The following MAPK10 variants were observed in gnomAD, a reference collection of about 807,000 sequenced individuals.
MAPK10 encodes mitogen-activated protein kinase 10.
Under a neutral mutation model 59.3 loss-of-function variants are expected in MAPK10, and 25 were observed. That is an observed-to-expected ratio of 0.42 (90% CI 0.31 to 0.59). The LOEUF (loss-of-function observed/expected upper bound fraction) is 0.59. MAPK10 is among the 20% of genes least tolerant of loss of function. The probability of loss-of-function intolerance (pLI) is 0.15; values close to 1 mark genes in which losing one functional copy is unlikely to be tolerated. For missense variants in MAPK10, 351 were observed against 568.9 expected (o/e 0.62, Z 3.90); for synonymous variants, 190 against 200.5 (o/e 0.95, Z 0.44).
chr4:86,494,443 A>G (rs1252806310), intron 1 of MAPK10, among the ~76,000 whole-genome samples: 2 of 152,204 alleles, frequency 1.3e-5, no homozygotes, highest in African/African-American at 4.8e-5. Context: ...AGAAGGGAAA[A>G]GAGCTGGAGG....
chr4:86,171,473 G>T (rs940663702), intron 3 of MAPK10, among the ~76,000 whole-genome samples: 20 of 152,026 alleles, frequency 1.3e-4, no homozygotes, highest in Admixed American at 3.9e-4. Flanking sequence ...ACAAGCAATG[G>T]GGAAAGGATT....
intron 2 of MAPK10, among the ~76,000 whole-genome samples, chr4:86,207,086 A>G (rs1191649941): frequency 6.6e-6 from 1 of 151,010 alleles, no homozygotes; most frequent in East Asian, 1.9e-4. Context: ...TTTTGTTGCC[A>G]TTGCTTTTGG....
chr4:86,049,908 G>C lies in MAPK10; in HGVS notation c.1110+14358C>G, dbSNP rs191065575. The stretch of plus-strand genomic sequence containing the variant: ...TTGTGTTACTCCCTGATTAAAATCT[G>C]TTCCCCCAAGCCTGCAGCTTGGGTA... On this transcript the variant is annotated intron_variant, in intron 11 of 13. Coordinates refer to ENST00000641462, the MANE Select transcript of MAPK10 (RefSeq NM_138982.4). Among the ~76,000 whole-genome samples, 31 of 152,172 alleles carry C rather than the reference G, an allele frequency of 2.0e-4. No individual in the cohort carries two copies. The East Asian group carries it at 5.8e-3, about 29-fold the overall frequency.
chr4:86,454,765 A>C (rs1751084219), upstream of MAPK10, among the ~76,000 whole-genome samples: 1 of 152,208 alleles, frequency 6.6e-6, no homozygotes, highest in Non-Finnish European at 1.5e-5. Context: ...ATCCAAATAC[A>C]AGAAGCTCAA....
intron 11 of MAPK10, among the ~76,000 whole-genome samples, chr4:86,036,539 G>A (rs2040341533): frequency 6.6e-6 from 1 of 151,726 alleles, no homozygotes; most frequent in Non-Finnish European, 1.5e-5. Flanking sequence ...CTCACAGTCA[G>A]GAAACTAAGA....
chr4:86,429,242 C>G (rs776749301), intron 1 of MAPK10, among the ~76,000 whole-genome samples: 1 of 152,044 alleles, frequency 6.6e-6, no homozygotes, highest in Non-Finnish European at 1.5e-5. Context: ...TCGGAGATTT[C>G]GAAGCCTTAA....
At position 86,035,370 on chromosome 4, in the gene MAPK10, CAAAAAAAAAAAA is replaced by C. The variant is rs70948779; in HGVS notation, c.1111-3951_1111-3940del. Among the ~76,000 whole-genome samples, 12 of 37,864 alleles carry C rather than the reference CAAAAAAAAAAAA, an allele frequency of 3.2e-4. 1 individual carries two copies. Among genetic ancestry groups the C allele is most frequent in the African/African-American group, 3.7e-4 (3 of 8,148 alleles). The allele number at this position is 37,864 out of a possible 152,430, so 24.8% of individuals were successfully genotyped here. A position where few individuals can be genotyped will look rare whatever the true frequency, so the allele number is the denominator to read the frequency against. On this transcript the variant is annotated intron_variant, in intron 11 of 13. Transcript: ENST00000641462. ...TGGGTGATAGAGTGAGACTCTGTCT[CAAAAAAAAAAAA>C]AAAAAAAAAAAAATGATCCAGGGTA...
intron 1 of MAPK10, among the ~76,000 whole-genome samples, chr4:86,443,765 G>A (rs1350619765): frequency 6.6e-6 from 1 of 152,206 alleles, no homozygotes; most frequent in Admixed American, 6.5e-5. Context: ...GGAAGAGACT[G>A]AACAAGCATC....
At chr4:86,428,583 GATAGAC>G (rs1747611608) in intron 1 of MAPK10, among the ~76,000 whole-genome samples, 4 of 152,162 alleles carry the variant, frequency 2.6e-5, no homozygotes, top group African/African-American at 9.7e-5. Flanking sequence ...TAGATAGACA[GATAGAC>G]AGATAGATAG....
chr4:86,037,827 T>C (rs1199618079), intron 11 of MAPK10, among the ~76,000 whole-genome samples: 1 of 152,170 alleles, frequency 6.6e-6, no homozygotes, highest in Non-Finnish European at 1.5e-5. Context: ...TGGTCTCTTA[T>C]GGGAAAAGAC....
At chr4:86,146,781 T>C (rs1369281439) in intron 4 of MAPK10, among the ~76,000 whole-genome samples, 2 of 152,236 alleles carry the variant, frequency 1.3e-5, no homozygotes, top group Non-Finnish European at 2.9e-5. Flanking sequence ...GCTTCTATCA[T>C]TTTCTGTTGG....
chr4:86,529,633 A>C (rs1757718957), intron 1 of MAPK10, among the ~76,000 whole-genome samples: 1 of 138,338 alleles, frequency 7.2e-6, no homozygotes, highest in Admixed American at 7.1e-5. Context: ...GAGAATGAAT[A>C]GTCTGTACAC....
intron 2 of MAPK10, among the ~76,000 whole-genome samples, chr4:86,328,590 T>C (rs2096077553): frequency 6.6e-6 from 1 of 152,072 alleles, no homozygotes; most frequent in Admixed American, 6.5e-5. Flanking sequence ...AGTAAAGACT[T>C]GAAACAAACC....
At chr4:86,339,792 T>G (rs999095848) in intron 2 of MAPK10, among the ~76,000 whole-genome samples, 3 of 152,230 alleles carry the variant, frequency 2.0e-5, no homozygotes, top group Non-Finnish European at 4.4e-5. Flanking sequence ...AAATAAGTTC[T>G]CCATAAGTAT....
chr4:86,578,523 A>G (rs962260369), intron 1 of MAPK10, among the ~76,000 whole-genome samples: 1 of 152,226 alleles, frequency 6.6e-6, no homozygotes, highest in East Asian at 1.9e-4. Context: ...AATAAAGGCC[A>G]TAAACTATTA....
chr4:86,497,325 C>G (rs1754941903), intron 1 of MAPK10, among the ~76,000 whole-genome samples: 1 of 152,250 alleles, frequency 6.6e-6, no homozygotes, highest in South Asian at 2.1e-4. Context: ...TTTCCGTAGA[C>G]TTGGCAAGGA....
At chr4:86,245,217 T>A (rs1046468351) in intron 2 of MAPK10, among the ~76,000 whole-genome samples, 1 of 152,170 alleles carries the variant, frequency 6.6e-6, no homozygotes, top group Non-Finnish European at 1.5e-5. Flanking sequence ...AGACAGCTTA[T>A]ATTCGAGTGC....
chr4:86,436,832 A>G (rs79946775), intron 1 of MAPK10, among the ~76,000 whole-genome samples: 1 of 152,268 alleles, frequency 6.6e-6, no homozygotes, highest in African/African-American at 2.4e-5. Flanking sequence ...GACCTCACAT[A>G]AAAAAATTAA....
At chr4:86,159,945 T>C (rs185704695) in intron 3 of MAPK10, among the ~76,000 whole-genome samples, 2 of 152,008 alleles carry the variant, frequency 1.3e-5, no homozygotes, top group African/African-American at 4.8e-5. Flanking sequence ...TACAAACTTA[T>C]GTAAAGTTTT....
Sources: gnomAD v4.1 joint callset for allele counts (sites outside exome capture counted in the v4.1 genomes callset) on GRCh38, gnomAD v4.1.1 for gene constraint, MANE v1.5 for transcripts, NCBI Gene and HGNC (gene_info 2026-07-23, HGNC 2026-07-21) for gene names.